Variants in RNF24 observed in about 807,000 individuals in gnomAD.
RNF24 encodes ring finger protein 24.
Under a neutral mutation model 20.0 loss-of-function variants are expected in RNF24, and 14 were observed. The observed-to-expected ratio is 0.70, with a 90% CI of 0.46 to 1.10. The LOEUF is 1.10. Among genes scored for constraint, RNF24 ranks in the 50% least tolerant of loss-of-function variants. RNF24 has a pLI of 0.00. For missense variants in RNF24, 124 were observed against 177.6 expected, an observed-to-expected ratio of 0.70 and a Z score of 1.71; for synonymous variants, 45 against 61.1, an observed-to-expected ratio of 0.74 and a Z score of 1.23.
At chr20:3,994,208 T>C (rs1210074767) in intron 1 of RNF24, among the ~76,000 whole-genome samples, 1 of 152,174 alleles carries the variant, frequency 6.6e-6, no homozygotes, top group Admixed American at 6.6e-5. Flanking sequence ...GTCTATGAGA[T>C]AATCAAGAAA....
intron 1 of RNF24, among the ~76,000 whole-genome samples, chr20:4,005,770 ATAC>A (rs974701396): frequency 2.3e-4 from 35 of 152,162 alleles, no homozygotes; most frequent in African/African-American, 8.4e-4. Flanking sequence ...AACTTAACAG[ATAC>A]TGCAGCACCA....
intron 2 of RNF24, among the ~76,000 whole-genome samples, chr20:3,961,970 C>T (rs745989095): frequency 1.1e-4 from 17 of 152,004 alleles, no homozygotes; most frequent in Non-Finnish European, 1.9e-4. Flanking sequence ...ATTGGAATTG[C>T]AGTAATATTA....
intron 1 of RNF24, among the ~76,000 whole-genome samples, chr20:3,970,098 T>C (rs368772479): frequency 6.6e-6 from 1 of 152,044 alleles, no homozygotes; most frequent in Non-Finnish European, 1.5e-5. Flanking sequence ...ACTATACTCC[T>C]CCTCAATGGG....
intron 1 of RNF24, among the ~76,000 whole-genome samples, chr20:4,011,786 T>A (rs866191997): frequency 3.3e-5 from 5 of 152,180 alleles, no homozygotes; most frequent in Middle Eastern, 3.2e-3. Flanking sequence ...GTCATATAAA[T>A]CCTGAATACC....
At chr20:3,939,913 TA>T (rs2146946285) in intron 4 of RNF24, among the ~76,000 whole-genome samples, 1 of 152,302 alleles carries the variant, frequency 6.6e-6, no homozygotes, top group East Asian at 1.9e-4. Flanking sequence ...CTTCTTTTGT[TA>T]AATTTATTCC....
At chr20:3,991,122 GT>G (rs1260073122) in intron 1 of RNF24, among the ~76,000 whole-genome samples, 1 of 151,396 alleles carries the variant, frequency 6.6e-6, no homozygotes, top group Admixed American at 6.6e-5. Context: ...CTGAATACCT[GT>G]TTATAATATC....
intron 1 of RNF24, among the ~76,000 whole-genome samples, chr20:3,971,670 A>G (rs1978369070): frequency 6.6e-6 from 1 of 152,210 alleles, no homozygotes; most frequent in Non-Finnish European, 1.5e-5. Flanking sequence ...CATATATAAT[A>G]CAATGCCTAC....
At chr20:3,994,147 C>A (rs1295661469) in intron 1 of RNF24, among the ~76,000 whole-genome samples, 1 of 152,166 alleles carries the variant, frequency 6.6e-6, no homozygotes, top group East Asian at 1.9e-4. Context: ...AATGTCATGG[C>A]ACTTCTCGAA....
chr20:3,981,128 G>A (rs1435740778), intron 1 of RNF24, among the ~76,000 whole-genome samples: 1 of 151,772 alleles, frequency 6.6e-6, no homozygotes, highest in Non-Finnish European at 1.5e-5. Flanking sequence ...TGCTTGGGCT[G>A]TTATTTTTCT....
intron 1 of RNF24, among the ~76,000 whole-genome samples, chr20:3,980,337 G>A (rs187329203): frequency 1.2e-4 from 19 of 152,230 alleles, no homozygotes; most frequent in East Asian, 7.7e-4. Context: ...CTGAAAACCC[G>A]GATAGCACCG....
chr20:3,960,779 TC>T (rs1371027403), intron 2 of RNF24, among the ~76,000 whole-genome samples: 4 of 152,166 alleles, frequency 2.6e-5, no homozygotes, highest in Non-Finnish European at 4.4e-5. Flanking sequence ...GTGTAACAGA[TC>T]CTAATTTCTT....
Position 3,945,231 on chromosome 20 carries a change from A to G in RNF24, c.187-13T>C. On this transcript the variant is annotated splice_polypyrimidine_tract_variant and intron_variant, in intron 3 of 5. Transcript: ENST00000358395. ...CTTTTAATATAACCTGTAAGACAAA[A>G]AAGTATGTTCTTATGCCCATTTAAA... The G allele has an allele frequency of 6.3e-7, 1 of 1,583,532 alleles. No individual in the cohort carries two copies. The highest frequency in any genetic ancestry group is 8.6e-7 in the Non-Finnish European group (1 of 1,162,604).
intron 4 of RNF24, among the ~76,000 whole-genome samples, chr20:3,939,798 T>A (rs2090933712): frequency 6.6e-6 from 1 of 152,204 alleles, no homozygotes; most frequent in Non-Finnish European, 1.5e-5. Context: ...TACTGCCAAC[T>A]TACCAATATT....
intron 1 of RNF24, among the ~76,000 whole-genome samples, chr20:3,991,531 C>G (rs886556062): frequency 2.6e-5 from 4 of 152,054 alleles, no homozygotes; most frequent in African/African-American, 9.7e-5. Flanking sequence ...GGATTACAGG[C>G]GTGAGCCACT....
chr20:4,006,477 C>T lies in RNF24; in HGVS notation c.-8+8960G>A, dbSNP rs139297092. On this transcript the variant is annotated intron_variant, in intron 1 of 5. Coordinates refer to ENST00000358395, the MANE Select transcript of RNF24 (RefSeq NM_001134337.3). ...CTTTAGAAGATGACAACAAAAGGAA[C>T]GGGCAAACCTCACTTTAAGAAAAGT... Among the ~76,000 whole-genome samples the T allele has an allele frequency of 2.3e-3, 349 of 151,860 alleles. 3 individuals carry two copies. Among genetic ancestry groups the T allele is most frequent in the African/African-American group, 8.1e-3 (335 of 41,440 alleles).
intron 4 of RNF24, among the ~76,000 whole-genome samples, chr20:3,942,265 C>G (rs2090965973): frequency 6.7e-6 from 1 of 149,502 alleles, no homozygotes; most frequent in Non-Finnish European, 1.5e-5. Context: ...ACCTCCTGGG[C>G]TCAAGCAATC....
chr20:3,966,525 C>CAT (rs1406120275), intron 1 of RNF24, among the ~76,000 whole-genome samples: 2 of 80,174 alleles, frequency 2.5e-5, no homozygotes, highest in African/African-American at 8.7e-5. Flanking sequence ...AAGGGAATGA[C>CAT]ATTAAATGAA....
At chr20:3,987,269 A>C (rs148412614) in intron 1 of RNF24, among the ~76,000 whole-genome samples, 1 of 152,336 alleles carries the variant, frequency 6.6e-6, no homozygotes, top group African/African-American at 2.4e-5. Flanking sequence ...GTTGAAATTT[A>C]CATCATAATT....
chr20:3,928,182 G>A lies in RNF24; in HGVS notation c.*5881C>T, dbSNP rs2090754797. 1 of 152,182 alleles carries A rather than the reference G, an allele frequency of 6.6e-6. No homozygotes were observed. The highest frequency in any genetic ancestry group is 1.5e-5 in the Non-Finnish European group (1 of 68,036). The allele number at this position is 152,182 out of a possible 1,614,324, so 9.4% of individuals were successfully genotyped here. A position where few individuals can be genotyped will look rare whatever the true frequency, so the allele number is the denominator to read the frequency against. On this transcript the variant is annotated 3_prime_UTR_variant, in exon 6 of 6. Coordinates refer to ENST00000358395, the MANE Select transcript of RNF24 (RefSeq NM_001134337.3). ...GCTTAAGAAATCTGTAACAGCTACA[G>A]GAAAAGACACACCCAGGGCCAGAGA...
Sources: gnomAD v4.1 joint callset for allele counts (sites outside exome capture counted in the v4.1 genomes callset) on GRCh38, gnomAD v4.1.1 for gene constraint, MANE v1.5 for transcripts, NCBI Gene and HGNC (gene_info 2026-07-23, HGNC 2026-07-21) for gene names.